The following VPS8 variants were observed in gnomAD, a reference collection of about 807,000 sequenced individuals.
VPS8 encodes VPS8 subunit of CORVET complex, also known as vacuolar protein sorting-associated protein 8 homolog.
A neutral mutation model predicts 216.4 loss-of-function variants in VPS8; 129 were observed. The observed-to-expected ratio is 0.60, with a 90% CI of 0.52 to 0.69. VPS8 has a LOEUF of 0.69. Ranked by LOEUF, VPS8 falls within the 30% of genes least tolerant of loss-of-function variation. VPS8 has a pLI of 0.00. For missense variants in VPS8, 1,531 were observed against 1,683.5 expected (o/e 0.91, Z 1.59); for synonymous variants, 571 against 565.4 (o/e 1.01, Z -0.14).
intron 21 of VPS8, among the ~76,000 whole-genome samples, chr3:184,877,397 A>T (rs1578029725): frequency 6.6e-6 from 1 of 152,186 alleles, no homozygotes; most frequent in African/African-American, 2.4e-5. Context: ...ATTTTTAAAA[A>T]TATATGAACT....
chr3:184,998,812 C>A (rs1048053621), intron 44 of VPS8, among the ~76,000 whole-genome samples: 2 of 151,844 alleles, frequency 1.3e-5, no homozygotes, highest in African/African-American at 4.8e-5. Flanking sequence ...ACAACCCTTG[C>A]CTTGAATTTG....
chr3:184,858,131 C>T (rs773214089), intron 14 of VPS8, among the ~76,000 whole-genome samples: 8 of 152,024 alleles, frequency 5.3e-5, no homozygotes, highest in Non-Finnish European at 7.4e-5. Flanking sequence ...TTCAGGTGGT[C>T]GGGTGTATCT....
At chr3:185,032,054 C>T (rs1209714317) in intron 46 of VPS8, among the ~76,000 whole-genome samples, 1 of 152,052 alleles carries the variant, frequency 6.6e-6, no homozygotes, top group Non-Finnish European at 1.5e-5. Flanking sequence ...ATCCAGTCTA[C>T]TTGGGAGGCT....
chr3:184,989,312 A>G (rs1751554245), intron 42 of VPS8, among the ~76,000 whole-genome samples: 1 of 152,214 alleles, frequency 6.6e-6, no homozygotes, highest in African/African-American at 2.4e-5. Flanking sequence ...CAGTTTGTCT[A>G]TCATGAGTGG....
At chr3:184,965,751 A>T (rs946270062) in intron 38 of VPS8, among the ~76,000 whole-genome samples, 1 of 152,180 alleles carries the variant, frequency 6.6e-6, no homozygotes, top group Non-Finnish European at 1.5e-5. Context: ...TACAGAGAAG[A>T]GGGAGGTAAA....
chr3:184,836,469 G>A (rs557586653), intron 5 of VPS8: 7 of 350,808 alleles, frequency 2.0e-5, no homozygotes, highest in South Asian at 1.1e-4. Flanking sequence ...AGATAAATCT[G>A]TTATTTAAAA....
intron 3 of VPS8, among the ~76,000 whole-genome samples, chr3:184,827,422 A>G (rs1357459110): frequency 4.6e-5 from 7 of 152,234 alleles, no homozygotes; most frequent in African/African-American, 9.6e-5. Flanking sequence ...GCTTTGGTCC[A>G]TGAAAGAATA....
Position 184,834,637 on chromosome 3 carries a change from T to C in VPS8, c.354-12T>C. 1 of 1,523,626 alleles carries C rather than the reference T, an allele frequency of 6.6e-7. No individual in the cohort carries two copies. Among genetic ancestry groups the C allele is most frequent in the Non-Finnish European group, 8.8e-7 (1 of 1,137,610 alleles). The allele number at this position is 1,523,626 out of a possible 1,614,324, so 94.4% of individuals were successfully genotyped here. A position where few individuals can be genotyped will look rare whatever the true frequency, so the allele number is the denominator to read the frequency against. On this transcript the variant is annotated splice_polypyrimidine_tract_variant and intron_variant, in intron 4 of 47. Transcript: ENST00000625842. ...TTATCTGTTTTTAAATGTTTTTCTT[T>C]TTTTTTTTCAGGAAGAAGAAATTAC... is the stretch of plus-strand genomic sequence containing the variant.
chr3:184,938,889 A>G (rs1742137639), intron 35 of VPS8, among the ~76,000 whole-genome samples: 1 of 151,690 alleles, frequency 6.6e-6, no homozygotes, highest in Admixed American at 6.6e-5. Context: ...AATTAGCTGG[A>G]CATGGTGGTG....
chr3:184,945,754 A>G (rs1304460387), intron 36 of VPS8, among the ~76,000 whole-genome samples: 1 of 152,198 alleles, frequency 6.6e-6, no homozygotes, highest in Non-Finnish European at 1.5e-5. Flanking sequence ...CAGTAGAGAA[A>G]GAGATTAATT....
rs1207827278 is a variant in VPS8, at chr3:184,881,971, T to C, written c.1735-4139T>C. Among the ~76,000 whole-genome samples the C allele has an allele frequency of 2.0e-5, 3 of 152,078 alleles. No individual in the cohort carries two copies. The East Asian group carries it at 5.8e-4, about 29-fold the overall frequency. ...AACTCATTTATTAATTCTAGAATGC[T>C]TTTTGTAGATTCCTTGGGATATTCT... On this transcript the variant is annotated intron_variant, in intron 21 of 47. Transcript: ENST00000625842.
chr3:184,828,466 A>T (rs114763106), intron 3 of VPS8, among the ~76,000 whole-genome samples: 1,594 of 152,132 alleles, frequency 0.01, 22 homozygotes, highest in African/African-American at 0.031. Flanking sequence ...AAATTTAGAG[A>T]TTACTGAGAC....
rs574142810 is a variant in VPS8, at chr3:184,942,410, C to T, written c.3035+2167C>T. ...TCCTTTCCTGTCATATCAATTCAGG[C>T]GCAAGGTCCTTTCTTACCGACCTTG... On this transcript the variant is annotated intron_variant, in intron 36 of 47. Coordinates refer to ENST00000625842, the MANE Select transcript of VPS8 (RefSeq NM_001009921.3). Among the ~76,000 whole-genome samples the T allele has an allele frequency of 1.4e-4, 22 of 152,296 alleles. No homozygotes were observed. In the South Asian group the frequency reaches 1.5e-3, roughly 10 times the overall value.
intron 21 of VPS8, among the ~76,000 whole-genome samples, chr3:184,875,203 A>G (rs1380285480): frequency 6.6e-6 from 1 of 151,836 alleles, no homozygotes; most frequent in African/African-American, 2.4e-5. Context: ...CAAAATACTG[A>G]GAATTTGTGT....
chr3:184,990,924 C>A (rs960483812), intron 42 of VPS8, among the ~76,000 whole-genome samples: 4 of 30,878 alleles, frequency 1.3e-4, no homozygotes, highest in African/African-American at 2.1e-4. Flanking sequence ...CAAATTACAC[C>A]GTTTTTTTTT....
In VPS8 at chr3:184,866,939, T is replaced by C. The variant is rs367844676; in HGVS notation, c.1459T>C (p.Leu487=). 2.5e-6 allele frequency: 4 copies of C among 1,613,178 alleles called. No individual in the cohort carries two copies. The highest frequency in any genetic ancestry group is 2.5e-6 in the Non-Finnish European group (3 of 1,179,606). The part of the protein sequence containing the change: ...ISSYGGQIFY[L]GTKSVYVMML... The stretch of plus-strand genomic sequence containing the variant: ...TAGCTATGGTGGTCAGATCTTTTAT[T>C]TGGGGACAAAAGTAAGCTCTTTTAC... The change falls in exon 17 of 48, where the codon TTG becomes CTG. Residue 487 remains leucine (L), a synonymous_variant. Coordinates refer to ENST00000625842, the MANE Select transcript of VPS8 (RefSeq NM_001009921.3).
At chr3:185,018,933 G>T (rs1352919957) in intron 45 of VPS8, among the ~76,000 whole-genome samples, 1 of 152,160 alleles carries the variant, frequency 6.6e-6, no homozygotes, top group Non-Finnish European at 1.5e-5. Flanking sequence ...GAAAGATCTG[G>T]AGGATCAAGC....
intron 36 of VPS8, among the ~76,000 whole-genome samples, chr3:184,943,872 C>T (rs976344184): frequency 9.9e-5 from 15 of 152,200 alleles, no homozygotes; most frequent in Admixed American, 1.3e-4. Context: ...GAGGCCAAGG[C>T]GGGCGGACCA....
intron 46 of VPS8, among the ~76,000 whole-genome samples, chr3:185,043,794 CAGA>C (rs1045590821): frequency 6.6e-6 from 1 of 152,160 alleles, no homozygotes; most frequent in African/African-American, 2.4e-5. Flanking sequence ...GAAGGATCCC[CAGA>C]AGGAGGGCAG....
Sources: gnomAD v4.1 joint callset for allele counts (sites outside exome capture counted in the v4.1 genomes callset) on GRCh38, gnomAD v4.1.1 for gene constraint, MANE v1.5 for transcripts, NCBI Gene and HGNC (gene_info 2026-07-23, HGNC 2026-07-21) for gene names.